RBFOX1: variants seen among roughly 807,000 people sequenced by gnomAD.
RBFOX1 encodes the protein RNA binding protein fox-1 homolog 1.
In RBFOX1, 8 loss-of-function variants were observed where a neutral mutation model predicts 57.7. That is an observed-to-expected ratio of 0.14 (90% CI 0.08 to 0.25). The LOEUF is 0.25. Among genes scored for constraint, RBFOX1 ranks in the 10% least tolerant of loss-of-function variants. RBFOX1 has a pLI of 1.00. For missense variants in RBFOX1, 611 were observed against 548.5 expected (o/e 1.11, Z -1.14); for synonymous variants, 326 against 222.4 (o/e 1.47, Z -4.15).
chr16:7,495,023 G>A (rs112956959), intron 4 of RBFOX1, among the ~76,000 whole-genome samples: 1,805 of 151,992 alleles, frequency 0.012, 41 homozygotes, highest in African/African-American at 0.041. Context: ...ATTTATGACC[G>A]TGTGTGCTTG....
intron 3 of RBFOX1, among the ~76,000 whole-genome samples, chr16:6,979,008 A>T (rs1568194716): frequency 6.6e-6 from 1 of 152,212 alleles, no homozygotes; most frequent in African/African-American, 2.4e-5. Context: ...TCTGACATCC[A>T]GATACAACTT....
chr16:6,017,441 G>C (rs889500553), upstream of RBFOX1, among the ~76,000 whole-genome samples: 1 of 152,050 alleles, frequency 6.6e-6, no homozygotes, highest in African/African-American at 2.4e-5. Context: ...ACAGTTTCTG[G>C]GGGAAATGAT....
intron 2 of RBFOX1, among the ~76,000 whole-genome samples, chr16:6,478,423 ATATATATTTT>A (rs1478263980): frequency 0.041 from 487 of 11,982 alleles, 16 homozygotes; most frequent in African/African-American, 0.095. Flanking sequence ...ATATATATAT[ATATATATTTT>A]TTTTTTTTTT....
At chr16:6,537,665 G>A (rs1218700285) in intron 2 of RBFOX1, among the ~76,000 whole-genome samples, 1 of 152,058 alleles carries the variant, frequency 6.6e-6, no homozygotes, top group East Asian at 1.9e-4. Flanking sequence ...GGAGTTTTTT[G>A]CATCTTCATC....
intron 2 of RBFOX1, among the ~76,000 whole-genome samples, chr16:5,556,027 AC>A (rs1208141355): frequency 1.4e-5 from 2 of 138,290 alleles, no homozygotes; most frequent in African/African-American, 6.8e-5. Context: ...TCTCAAAAAA[AC>A]AAACAAACAA....
chr16:6,707,265 G>A (rs913753233), intron 3 of RBFOX1, among the ~76,000 whole-genome samples: 3 of 152,174 alleles, frequency 2.0e-5, no homozygotes, highest in Admixed American at 6.5e-5. Flanking sequence ...ATATTTGGGA[G>A]CTGCTGATCT....
intron 3 of RBFOX1, among the ~76,000 whole-genome samples, chr16:6,861,767 G>C (rs576864201): frequency 2.0e-5 from 3 of 149,632 alleles, no homozygotes; most frequent in African/African-American, 4.9e-5. Context: ...ATAAGTATTT[G>C]GCCAAAGTGT....
intron 1 of RBFOX1, among the ~76,000 whole-genome samples, chr16:5,369,025 C>T (rs941622753): frequency 3.3e-5 from 5 of 151,952 alleles, no homozygotes; most frequent in East Asian, 1.9e-4. Context: ...TGTTTTGAGA[C>T]GAGTCTTGCT....
chr16:7,625,869 T>A (rs1249722206), intron 10 of RBFOX1, among the ~76,000 whole-genome samples: 3 of 152,206 alleles, frequency 2.0e-5, no homozygotes, highest in African/African-American at 7.2e-5. Flanking sequence ...CTCACTTCAT[T>A]TGCTCCCTGC....
At chr16:6,953,290 A>T (rs1308941252) in intron 3 of RBFOX1, among the ~76,000 whole-genome samples, 1 of 152,178 alleles carries the variant, frequency 6.6e-6, no homozygotes, top group East Asian at 1.9e-4. Context: ...AATAAGGCAG[A>T]ACTACTCTGA....
intron 4 of RBFOX1, among the ~76,000 whole-genome samples, chr16:7,093,133 G>A (rs1169834029): frequency 6.6e-6 from 1 of 152,180 alleles, no homozygotes; most frequent in Admixed American, 6.5e-5. Context: ...TTTTACCCCA[G>A]TGAATTCTGA....
At chr16:6,866,761 C>G (rs1018079031) in intron 3 of RBFOX1, among the ~76,000 whole-genome samples, 1 of 151,814 alleles carries the variant, frequency 6.6e-6, no homozygotes, top group Non-Finnish European at 1.5e-5. Context: ...CCAGGATGGT[C>G]TCGATCTCCT....
chr16:5,823,946 A>G (rs2055945941), intron 3 of RBFOX1, among the ~76,000 whole-genome samples: 1 of 152,180 alleles, frequency 6.6e-6, no homozygotes, highest in Admixed American at 6.5e-5. Flanking sequence ...TCCATGGAAA[A>G]ATTGTCTTCC....
chr16:6,409,438 CTT>C (rs2093387819), intron 2 of RBFOX1, among the ~76,000 whole-genome samples: 1 of 152,040 alleles, frequency 6.6e-6, no homozygotes, highest in East Asian at 1.9e-4. Context: ...ACAAATAAAA[CTT>C]TACCAAACAC....
chr16:5,640,709 A>G (rs575075958), intron 3 of RBFOX1, among the ~76,000 whole-genome samples: 73 of 151,938 alleles, frequency 4.8e-4, no homozygotes, highest in African/African-American at 1.7e-3. Flanking sequence ...ACCTATGCAC[A>G]CACGTACACT....
chr16:7,552,507 A>G lies in RBFOX1; in HGVS notation c.271-27270A>G, dbSNP rs113060592. 3.1e-3 allele frequency among the ~76,000 whole-genome samples: 470 copies of G among 152,284 alleles called. 2 individuals carry two copies. The highest frequency in any genetic ancestry group is 5.8e-3 in the Admixed American group (89 of 15,288). On this transcript the variant is annotated intron_variant, in intron 5 of 15. Transcript: ENST00000550418. ...AACGGCCTGAATGACCACTGGGTCA[A>G]TGTTAATTGATAATGATGCTTTCTA... is the stretch of plus-strand genomic sequence containing the variant.
intron 4 of RBFOX1, among the ~76,000 whole-genome samples, chr16:7,245,972 A>G (rs11861576): frequency 0.34 from 52,035 of 152,106 alleles, 11,552 homozygotes; most frequent in African/African-American, 0.64. Flanking sequence ...GAAAAAAAGT[A>G]TAGATTGCAG....
chr16:5,476,042 T>C (rs1399410760), intron 2 of RBFOX1, among the ~76,000 whole-genome samples: 2 of 152,046 alleles, frequency 1.3e-5, no homozygotes, highest in East Asian at 3.9e-4. Flanking sequence ...TCATCCAGGC[T>C]CCTCCCTGCC....
chr16:7,116,669 G>A (rs1027289783), intron 4 of RBFOX1, among the ~76,000 whole-genome samples: 4 of 152,180 alleles, frequency 2.6e-5, no homozygotes, highest in Non-Finnish European at 5.9e-5. Flanking sequence ...TTGGTGGAAT[G>A]CCAGTGAAGC....
Sources: gnomAD v4.1 joint callset for allele counts (sites outside exome capture counted in the v4.1 genomes callset) on GRCh38, gnomAD v4.1.1 for gene constraint, MANE v1.5 for transcripts, NCBI Gene and HGNC (gene_info 2026-07-23, HGNC 2026-07-21) for gene names.